Variants in USP34 observed in about 807,000 individuals in gnomAD.
USP34 encodes the protein ubiquitin carboxyl-terminal hydrolase 34.
A neutral mutation model predicts 460.3 loss-of-function variants in USP34; 70 were observed. That is an observed-to-expected ratio of 0.15 (90% confidence interval 0.13 to 0.19). The LOEUF (loss-of-function observed/expected upper bound fraction) is 0.19. Ranked by LOEUF, USP34 falls within the 10% of genes least tolerant of loss-of-function variation. The pLI, the probability that USP34 is intolerant of heterozygous loss-of-function variation, is 1.00. For synonymous variants in USP34, 1,647 were observed against 1,405.3 expected (o/e 1.17, Z -3.85); for missense variants, 3,985 against 4,236.2 (o/e 0.94, Z 1.65).
chr2:61,231,449 A>G (rs1003852375), intron 58 of USP34, among the ~76,000 whole-genome samples: 1 of 152,218 alleles, frequency 6.6e-6, no homozygotes, highest in African/African-American at 2.4e-5. Context: ...TCAGTGGCTC[A>G]CAACTATAAT....
intron 21 of USP34, among the ~76,000 whole-genome samples, chr2:61,320,827 T>C (rs545354562): frequency 6.6e-5 from 10 of 152,108 alleles, no homozygotes; most frequent in African/African-American, 2.2e-4. Flanking sequence ...CTAGTCAACA[T>C]GGTGAAACCC....
At position 61,208,938 on chromosome 2, in the gene USP34, A is replaced by C; in HGVS notation, c.8880T>G (p.Leu2960=). 6.3e-7 allele frequency: 1 copy of C among 1,597,010 alleles called. No homozygotes were observed. Residue 2960 remains leucine (L), a synonymous_variant, in exon 70 of 80, where the codon CTT becomes CTG. Coordinates refer to ENST00000398571, the MANE Select transcript of USP34 (RefSeq NM_014709.4). ...TCAATCCTCGATTAAATACAACAAG[A>C]AGTCTGTCTTCATCAGATTCTAATA... ...RILLESDEDR[L]LVVFNRGLIL...
intron 1 of USP34, among the ~76,000 whole-genome samples, chr2:61,445,916 C>G (rs956201086): frequency 1.3e-5 from 2 of 151,806 alleles, no homozygotes; most frequent in Non-Finnish European, 2.9e-5. Flanking sequence ...CCACTGCACT[C>G]CAGCCTGGGC....
intron 5 of USP34, among the ~76,000 whole-genome samples, chr2:61,386,739 G>A (rs1693157225): frequency 6.6e-6 from 1 of 151,970 alleles, no homozygotes; most frequent in African/African-American, 2.4e-5. Context: ...GCAGTGAGCT[G>A]AGATCAAGCC....
At chr2:61,212,905 A>T (rs1160408486) in intron 68 of USP34, among the ~76,000 whole-genome samples, 1 of 152,190 alleles carries the variant, frequency 6.6e-6, no homozygotes, top group Non-Finnish European at 1.5e-5. Flanking sequence ...AAATTTACTG[A>T]AACTTAATAA....
intron 2 of USP34, among the ~76,000 whole-genome samples, chr2:61,410,052 T>C (rs1428970348): frequency 6.6e-6 from 1 of 152,212 alleles, no homozygotes; most frequent in South Asian, 2.1e-4. Context: ...CCCAACCTTT[T>C]TGGCAACAGG....
At chr2:61,329,365 T>C (rs186443094) in intron 20 of USP34, among the ~76,000 whole-genome samples, 3 of 152,170 alleles carry the variant, frequency 2.0e-5, no homozygotes, top group Admixed American at 6.5e-5. Flanking sequence ...AATGTTTGGA[T>C]TCAAGAGGCC....
chr2:61,200,052 T>A (rs79171057), intron 75 of USP34: 3,241 of 152,440 alleles, frequency 0.021, 49 homozygotes, highest in East Asian at 0.032. Flanking sequence ...GCTAAACCTG[T>A]GTGTGTGCGC....
intron 33 of USP34, 133 bp from the exon 34 acceptor site, chr2:61,289,010 G>A: frequency 1.1e-6 from 1 of 892,478 alleles, no homozygotes; most frequent in South Asian, 1.8e-5. Flanking sequence ...TAAAAATTCT[G>A]CTGCTCAAAT....
intron 49 of USP34, among the ~76,000 whole-genome samples, chr2:61,247,703 A>G (rs1025177720): frequency 9.9e-5 from 15 of 152,230 alleles, no homozygotes; most frequent in African/African-American, 2.4e-4. Context: ...AATTTTTCAA[A>G]TGGTTTAATA....
chr2:61,337,893 A>C (rs1027430012), intron 18 of USP34, among the ~76,000 whole-genome samples: 1 of 152,242 alleles, frequency 6.6e-6, no homozygotes, highest in African/African-American at 2.4e-5. Context: ...TGGAGAGTAC[A>C]AATTATTGAA....
chr2:61,423,636 T>G (rs1694425932), intron 1 of USP34, among the ~76,000 whole-genome samples: 1 of 152,102 alleles, frequency 6.6e-6, no homozygotes, highest in Non-Finnish European at 1.5e-5. Context: ...ATTTATGAAT[T>G]AAAAGCAATC....
chr2:61,201,489 A>C (rs1363023428), intron 75 of USP34, among the ~76,000 whole-genome samples: 11 of 152,178 alleles, frequency 7.2e-5, no homozygotes, highest in Admixed American at 6.5e-4. Flanking sequence ...CTGGGATTAC[A>C]AGCGTGAGCC....
intron 1 of USP34, among the ~76,000 whole-genome samples, chr2:61,468,301 A>G (rs1027050712): frequency 6.6e-6 from 1 of 152,200 alleles, no homozygotes; most frequent in African/African-American, 2.4e-5. Flanking sequence ...TCTCCTGGTC[A>G]GCCTCCCCAG....
intron 20 of USP34, among the ~76,000 whole-genome samples, chr2:61,329,141 C>T (rs943898202): frequency 1.3e-5 from 2 of 152,152 alleles, no homozygotes; most frequent in Non-Finnish European, 2.9e-5. Context: ...CCTGCCTCAG[C>T]CGCCTGAGTA....
intron 19 of USP34, among the ~76,000 whole-genome samples, chr2:61,331,911 A>T (rs1691279608): frequency 6.6e-6 from 1 of 152,086 alleles, no homozygotes; most frequent in Admixed American, 6.6e-5. Flanking sequence ...CATAATTAAC[A>T]TAATGTATTT....
intron 18 of USP34, among the ~76,000 whole-genome samples, chr2:61,335,576 G>A (rs888323418): frequency 1.3e-5 from 2 of 151,954 alleles, no homozygotes; most frequent in Non-Finnish European, 2.9e-5. Context: ...GTGAGACCCG[G>A]TCTCCACAAA....
intron 5 of USP34, among the ~76,000 whole-genome samples, chr2:61,386,268 T>A (rs1693141964): frequency 6.6e-6 from 1 of 152,050 alleles, no homozygotes; most frequent in South Asian, 2.1e-4. Context: ...GGCCAGGAGT[T>A]CAACACTAAC....
Position 61,203,131 on chromosome 2 carries a change from T to G in USP34, c.9508+9A>C. On this transcript the variant is annotated intron_variant, in intron 75 of 79. Coordinates refer to ENST00000398571, the MANE Select transcript of USP34 (RefSeq NM_014709.4). ...TCAGTGGAATTTACTGCTCATCTTT[T>G]ATACTTACTCAGCTTAACTAATGTT... 1.3e-6 allele frequency: 2 copies of G among 1,574,128 alleles called. No individual in the cohort carries two copies. Among genetic ancestry groups the G allele is most frequent in the Non-Finnish European group, 1.7e-6 (2 of 1,159,220 alleles).
Sources: gnomAD v4.1 joint callset for allele counts (sites outside exome capture counted in the v4.1 genomes callset) on GRCh38, gnomAD v4.1.1 for gene constraint, MANE v1.5 for transcripts, NCBI Gene and HGNC (gene_info 2026-07-23, HGNC 2026-07-21) for gene names.